CGAS: variants seen among roughly 807,000 people sequenced by gnomAD.
CGAS encodes 2'3'-cGAMP synthase.
Under a neutral mutation model 34.0 loss-of-function variants are expected in CGAS, and 31 were observed. The ratio of observed to expected loss-of-function variants is 0.91; its 90% CI spans 0.69 to 1.23. CGAS has a LOEUF of 1.23. CGAS is among the 50% of genes most tolerant of loss of function. The probability of loss-of-function intolerance (pLI) is 0.00; values close to 1 mark genes in which losing one functional copy is unlikely to be tolerated. For synonymous variants in CGAS, 266 were observed against 260.0 expected (o/e 1.02, Z -0.22); for missense variants, 597 against 657.6 (o/e 0.91, Z 1.01).
chr6:73,427,278 C>CTTTATTTATTTATTTA (rs10628387), intron 4 of CGAS, among the ~76,000 whole-genome samples: 22 of 143,600 alleles, frequency 1.5e-4, no homozygotes, highest in Admixed American at 7.8e-4. Context: ...GGCCAACTTA[C>CTTTATTTATTTATTTA]TTTATTTATT....
intron 1 of CGAS, among the ~76,000 whole-genome samples, chr6:73,450,773 G>T (rs1322196291): frequency 6.6e-6 from 1 of 152,056 alleles, no homozygotes; most frequent in Non-Finnish European, 1.5e-5. Context: ...CGAATCAAGA[G>T]GTCAGGAGAT....
chr6:73,435,886 T>A (rs1262985022), intron 3 of CGAS, among the ~76,000 whole-genome samples: 1 of 152,062 alleles, frequency 6.6e-6, no homozygotes, highest in Non-Finnish European at 1.5e-5. Flanking sequence ...ATGTTCAATC[T>A]ACCTTTTTCA....
intron 3 of CGAS, among the ~76,000 whole-genome samples, chr6:73,437,993 C>T (rs886296831): frequency 6.6e-6 from 1 of 152,076 alleles, no homozygotes; most frequent in African/African-American, 2.4e-5. Context: ...CTTTTGAACC[C>T]AGGAGGTGGA....
At chr6:73,451,239 C>T (rs1313876512) in intron 1 of CGAS, among the ~76,000 whole-genome samples, 1 of 152,144 alleles carries the variant, frequency 6.6e-6, no homozygotes, top group Non-Finnish European at 1.5e-5. Flanking sequence ...GTTACGGAAA[C>T]TCGATACATG....
At chr6:73,446,044 T>C (rs1562294541) in intron 1 of CGAS, among the ~76,000 whole-genome samples, 1 of 152,110 alleles carries the variant, frequency 6.6e-6, no homozygotes, top group Non-Finnish European at 1.5e-5. Context: ...TTAAATTTTG[T>C]GGGGCCAGGT....
chr6:73,441,383 G>A (rs932430428), intron 2 of CGAS, among the ~76,000 whole-genome samples: 6 of 152,118 alleles, frequency 3.9e-5, no homozygotes, highest in Admixed American at 1.3e-4. Context: ...GGGTGCCACG[G>A]CAGCACAGAG....
chr6:73,447,472 C>T (rs557757764), intron 1 of CGAS, among the ~76,000 whole-genome samples: 1 of 152,178 alleles, frequency 6.6e-6, no homozygotes, highest in Admixed American at 6.5e-5. Context: ...TTAGTAGAGA[C>T]AGGGTTTTGC....
chr6:73,451,195 G>C (rs1770559683), intron 1 of CGAS, among the ~76,000 whole-genome samples: 1 of 151,882 alleles, frequency 6.6e-6, no homozygotes, highest in South Asian at 2.1e-4. Context: ...TATCTGACTC[G>C]GGACCTCAGG....
chr6:73,432,658 G>A (rs751229437), intron 3 of CGAS, among the ~76,000 whole-genome samples: 5 of 151,936 alleles, frequency 3.3e-5, no homozygotes, highest in Non-Finnish European at 4.4e-5. Flanking sequence ...ACAGGGTTTT[G>A]TCACGTGGCC....
chr6:73,425,962 G>A (rs980650970), intron 4 of CGAS, among the ~76,000 whole-genome samples: 2 of 149,050 alleles, frequency 1.3e-5, no homozygotes, highest in Admixed American at 6.8e-5. Flanking sequence ...CAACAAGAAC[G>A]AAACTCTGTC....
chr6:73,449,490 C>CACACACACACACACACAT (rs1404532377), intron 1 of CGAS, among the ~76,000 whole-genome samples: 1 of 151,110 alleles, frequency 6.6e-6, no homozygotes, highest in East Asian at 2.0e-4. Context: ...CACACACACA[C>CACACACACACACACACAT]ACACACACAC....
In CGAS at chr6:73,423,852, A is replaced by G. The variant is rs1403562230; in HGVS notation, c.*1375T>C. 5 of 152,198 alleles carry G rather than the reference A, an allele frequency of 3.3e-5. No individual in the cohort carries two copies. The highest frequency in any genetic ancestry group is 7.3e-5 in the Non-Finnish European group (5 of 68,032). The allele number at this position is 152,198 out of a possible 1,614,324, so 9.4% of individuals were successfully genotyped here. A position where few individuals can be genotyped will look rare whatever the true frequency, so the allele number is the denominator to read the frequency against. ...CTAAAAGACACCAAAAAATGTGCAGACAACCCATATGGCAGAAGTTATTTG... is the reference window on the plus strand; with the variant it reads ...CTAAAAGACACCAAAAAATGTGCAGGCAACCCATATGGCAGAAGTTATTTG... On this transcript the variant is annotated 3_prime_UTR_variant, in exon 5 of 5. Transcript: ENST00000370315.
At chr6:73,429,743 G>A (rs960823045) in intron 3 of CGAS, among the ~76,000 whole-genome samples, 17 of 151,668 alleles carry the variant, frequency 1.1e-4, no homozygotes, top group South Asian at 6.2e-4. Flanking sequence ...GGAGAATGGC[G>A]CGAACCCGGG....
chr6:73,433,038 C>A (rs1356770096), intron 3 of CGAS, among the ~76,000 whole-genome samples: 1 of 152,078 alleles, frequency 6.6e-6, no homozygotes, highest in African/African-American at 2.4e-5. Context: ...GAGCCGAGAT[C>A]GCACCACTGC....
rs1163950892 is a variant in CGAS, at chr6:73,451,844, G to A, written c.338C>T (p.Pro113Leu). 1.3e-6 allele frequency: 2 copies of A among 1,550,780 alleles called. No homozygotes were observed. Among genetic ancestry groups the A allele is most frequent in the Admixed American group, 2.0e-5 (1 of 51,030 alleles). The change falls in exon 1 of 5, where the codon CCG (proline) becomes CTG (leucine). Residue 113 changes from proline (P) to leucine (L), a missense_variant. Physicochemically the swap from Pro to Leu is moderately conservative, Grantham distance 98. This residue lies in a region of CGAS where 321 missense variants were observed against 314.3 expected (regional missense o/e 1.02). Coordinates refer to ENST00000370315, the MANE Select transcript of CGAS (RefSeq NM_138441.3). Reference protein sequence around the residue: ...EGLEPPAAREPALSRAGSCRQ... With the variant: ...EGLEPPAARELALSRAGSCRQ... ...GCAAGAACCAGCCCTGGAAAGAGCCGGCTCCCGAGCCGCAGGAGGCTCCAG... is the reference window on the plus strand; with the variant it reads ...GCAAGAACCAGCCCTGGAAAGAGCCAGCTCCCGAGCCGCAGGAGGCTCCAG...
intron 2 of CGAS, among the ~76,000 whole-genome samples, chr6:73,442,446 G>A (rs1391316848): frequency 6.7e-6 from 1 of 150,360 alleles, no homozygotes; most frequent in East Asian, 1.9e-4. Context: ...TGTCACCCAG[G>A]CTGGAGTGCA....
intron 3 of CGAS, among the ~76,000 whole-genome samples, chr6:73,432,393 T>A (rs1770208742): frequency 6.6e-6 from 1 of 151,960 alleles, no homozygotes; most frequent in Non-Finnish European, 1.5e-5. Flanking sequence ...ACTCCTGACC[T>A]CAGGTGACCC....
chr6:73,434,845 GC>G (rs1770254297), intron 3 of CGAS, among the ~76,000 whole-genome samples: 1 of 151,836 alleles, frequency 6.6e-6, no homozygotes, highest in Non-Finnish European at 1.5e-5. Flanking sequence ...ACGGGGTTTT[GC>G]CATGTTGGCC....
chr6:73,437,480 C>G (rs1270230784), intron 3 of CGAS, among the ~76,000 whole-genome samples: 2 of 151,822 alleles, frequency 1.3e-5, no homozygotes, highest in Non-Finnish European at 2.9e-5. Flanking sequence ...GCTATGTTAC[C>G]CAGGATGGAG....
Sources: allele counts gnomAD v4.1 joint callset (sites outside exome capture counted in the v4.1 genomes callset), GRCh38; gene constraint gnomAD v4.1.1; regional missense constraint gnomAD v4.1.1; transcripts MANE v1.5; gene names NCBI Gene and HGNC (gene_info 2026-07-23, HGNC 2026-07-21).